The following GRIP1 variants were observed in gnomAD, a reference collection of about 807,000 sequenced individuals.
GRIP1 encodes the protein glutamate receptor interacting protein 1.
GRIP1 carries 45 observed loss-of-function variants against 129.9 expected under a neutral mutation model. The observed-to-expected ratio is 0.35, with a 90% confidence interval of 0.27 to 0.44. The LOEUF is 0.44. Ranked by LOEUF, GRIP1 falls within the 20% of genes least tolerant of loss-of-function variation. GRIP1 has a pLI of 1.00. For synonymous variants in GRIP1, 530 were observed against 520.8 expected, an observed-to-expected ratio of 1.02 and a Z score of -0.24; for missense variants, 1,196 against 1,396.8, an observed-to-expected ratio of 0.86 and a Z score of 2.29.
intron 2 of GRIP1, among the ~76,000 whole-genome samples, chr12:66,589,194 T>TCTCTC (rs2063757008): frequency 1.8e-4 from 17 of 95,632 alleles, no homozygotes; most frequent in African/African-American, 2.3e-4. Flanking sequence ...CTCCCCCACC[T>TCTCTC]TCTCTCTCTC....
At chr12:66,964,472 T>C (rs528771778) in intron 1 of GRIP1, among the ~76,000 whole-genome samples, 151 of 152,220 alleles carry the variant, frequency 9.9e-4, no homozygotes, top group African/African-American at 3.6e-3. Context: ...TTCATCCCTA[T>C]TGAGCTACTT....
chr12:66,496,392 T>C (rs1421782986), intron 7 of GRIP1, among the ~76,000 whole-genome samples: 1 of 152,154 alleles, frequency 6.6e-6, no homozygotes, highest in Non-Finnish European at 1.5e-5. Context: ...TTTCAAAAGC[T>C]ATATAACTAG....
intron 2 of GRIP1, among the ~76,000 whole-genome samples, chr12:66,573,721 G>A (rs753830634): frequency 6.6e-6 from 1 of 152,128 alleles, no homozygotes; most frequent in Non-Finnish European, 1.5e-5. Flanking sequence ...CCCACAGCAC[G>A]AATCAAACAT....
At chr12:66,517,264 T>C (rs978183017) in intron 6 of GRIP1, among the ~76,000 whole-genome samples, 5 of 152,138 alleles carry the variant, frequency 3.3e-5, no homozygotes, top group African/African-American at 4.8e-5. Context: ...ACCTAAGTTG[T>C]GAGTTTACTC....
At chr12:66,454,245 A>T (rs2058889120) in intron 11 of GRIP1, among the ~76,000 whole-genome samples, 2 of 152,258 alleles carry the variant, frequency 1.3e-5, no homozygotes, top group African/African-American at 4.8e-5. Flanking sequence ...CCTCCTGGGG[A>T]GATGAATCTC....
intron 1 of GRIP1, among the ~76,000 whole-genome samples, chr12:66,798,852 G>C (rs768383468): frequency 1.2e-4 from 19 of 152,014 alleles, no homozygotes; most frequent in Non-Finnish European, 2.8e-4. Flanking sequence ...GTTTGTTTTT[G>C]TTCAGGAGTT....
chr12:66,795,633 A>G (rs902721871), intron 1 of GRIP1, among the ~76,000 whole-genome samples: 1 of 152,200 alleles, frequency 6.6e-6, no homozygotes, highest in African/African-American at 2.4e-5. Flanking sequence ...AACTTATTCC[A>G]ACAAGCAACA....
At chr12:66,904,344 AG>A (rs2040893111) in intron 1 of GRIP1, among the ~76,000 whole-genome samples, 1 of 152,222 alleles carries the variant, frequency 6.6e-6, no homozygotes. Context: ...TGCATGGAAA[AG>A]TGGAAGTAAT....
intron 5 of GRIP1, among the ~76,000 whole-genome samples, chr12:66,524,952 C>T (rs904500488): frequency 6.6e-6 from 1 of 152,130 alleles, no homozygotes; most frequent in Non-Finnish European, 1.5e-5. Flanking sequence ...CATTCCTCGA[C>T]ACATACACCC....
chr12:66,681,616 C>A (rs970622085), upstream of GRIP1, among the ~76,000 whole-genome samples: 1 of 152,250 alleles, frequency 6.6e-6, no homozygotes, highest in South Asian at 2.1e-4. Flanking sequence ...GCTGTCTAGA[C>A]AGTTCAAACT....
intron 1 of GRIP1, among the ~76,000 whole-genome samples, chr12:66,738,725 T>C (rs1318708779): frequency 1.3e-5 from 2 of 152,148 alleles, no homozygotes. Flanking sequence ...GGGGCTTACA[T>C]TAGCATGCCA....
chr12:66,390,525 T>A (rs1285081867), intron 19 of GRIP1, among the ~76,000 whole-genome samples: 2 of 152,214 alleles, frequency 1.3e-5, no homozygotes, highest in Middle Eastern at 3.2e-3. Flanking sequence ...TGGTTTTTCA[T>A]CTTTTACTAG....
At chr12:66,607,492 A>T (rs2064589800) in intron 1 of GRIP1, among the ~76,000 whole-genome samples, 1 of 152,220 alleles carries the variant, frequency 6.6e-6, no homozygotes, top group South Asian at 2.1e-4. Context: ...CAACAAGTTC[A>T]TGGCCTTCTG....
chr12:66,947,057 A>AT (rs1310190621), intron 1 of GRIP1, among the ~76,000 whole-genome samples: 2 of 151,704 alleles, frequency 1.3e-5, no homozygotes, highest in Non-Finnish European at 2.9e-5. Flanking sequence ...AAAAAAAAAA[A>AT]CCTGCTTAGC....
intron 1 of GRIP1, among the ~76,000 whole-genome samples, chr12:66,785,343 C>CATAT (rs199738180): frequency 9.2e-4 from 67 of 72,782 alleles, no homozygotes; most frequent in Middle Eastern, 8.6e-3. Context: ...TACATACATA[C>CATAT]ATATATATAT....
At chr12:66,417,772 G>A (rs1381735827) in intron 15 of GRIP1, among the ~76,000 whole-genome samples, 1 of 152,014 alleles carries the variant, frequency 6.6e-6, no homozygotes, top group Non-Finnish European at 1.5e-5. Context: ...AAACACTGAT[G>A]AAAGAAATTG....
chr12:66,817,619 G>C (rs1841920899), intron 1 of GRIP1, among the ~76,000 whole-genome samples: 1 of 151,962 alleles, frequency 6.6e-6, no homozygotes, highest in Non-Finnish European at 1.5e-5. Flanking sequence ...ATGTTGGTCA[G>C]GCTGGCTGGT....
intron 13 of GRIP1, among the ~76,000 whole-genome samples, chr12:66,440,881 A>G (rs564922786): frequency 2.0e-5 from 3 of 152,338 alleles, no homozygotes; most frequent in South Asian, 4.1e-4. Context: ...ACTACTGAAT[A>G]AAGGATATAA....
At chr12:66,558,662 A>G (rs765678062) in intron 2 of GRIP1, among the ~76,000 whole-genome samples, 2 of 152,190 alleles carry the variant, frequency 1.3e-5, no homozygotes, top group Non-Finnish European at 2.9e-5. Context: ...ATAACTCATA[A>G]CAAGTAATGA....
Sources: allele counts gnomAD v4.1 joint callset (sites outside exome capture counted in the v4.1 genomes callset), GRCh38; gene constraint gnomAD v4.1.1; transcripts MANE v1.5; gene names NCBI Gene and HGNC (gene_info 2026-07-23, HGNC 2026-07-21).